The following ZNF180 variants were observed in gnomAD, a reference collection of about 807,000 sequenced individuals.
ZNF180 encodes the protein zinc finger protein 180 (HHZ168).
In ZNF180, 11 loss-of-function variants were observed where a neutral mutation model predicts 11.8. The observed-to-expected ratio is 0.93, with a 90% CI of 0.59 to 1.55. ZNF180 has a LOEUF of 1.55. Among genes scored for constraint, ZNF180 ranks in the 40% most tolerant of loss-of-function variants. ZNF180 has a pLI of 0.00. For missense variants in ZNF180, 773 were observed against 781.7 expected, an observed-to-expected ratio of 0.99 and a Z score of 0.13; for synonymous variants, 287 against 257.7, an observed-to-expected ratio of 1.11 and a Z score of -1.09.
intron 1 of ZNF180, among the ~76,000 whole-genome samples, chr19:44,498,523 G>A (rs1461665224): frequency 6.6e-6 from 1 of 152,114 alleles, no homozygotes; most frequent in Admixed American, 6.5e-5. Context: ...GGGCACCTGT[G>A]GCTCAGGAAG....
chr19:44,477,124 T>C lies in ZNF180; in HGVS notation c.1276A>G (p.Ile426Val), dbSNP rs775878414. Residue 426 changes from isoleucine to valine, a missense_variant, in exon 5 of 5, where the codon ATT becomes GTT. By Grantham distance (29) the Ile-to-Val change is conservative. Transcript: ENST00000592529. Reference protein sequence around the residue: ...GKSFRQSYKLIAHQRTHTGEK... With the variant: ...GKSFRQSYKLVAHQRTHTGEK... ...CCGGTATGTGTTCTTTGATGTGCAA[T>C]AAGTTTATAGCTCTGCCTGAATGAC... 6.2e-7 allele frequency: 1 copy of C among 1,613,054 alleles called. No individual in the cohort carries two copies. The highest frequency in any genetic ancestry group is 8.5e-7 in the Non-Finnish European group (1 of 1,179,214).
At chr19:44,499,197 C>G (rs1054120937) in intron 1 of ZNF180, among the ~76,000 whole-genome samples, 4 of 152,326 alleles carry the variant, frequency 2.6e-5, no homozygotes, top group Middle Eastern at 3.4e-3. Context: ...GGTTCTCGAG[C>G]CTACGATACA....
Position 44,478,078 on chromosome 19 carries a change from T to A in ZNF180, c.322A>T (p.Asn108Tyr). 1 of 1,604,974 alleles carries A rather than the reference T, an allele frequency of 6.2e-7. No homozygotes were observed. Among genetic ancestry groups the A allele is most frequent in the Non-Finnish European group, 8.5e-7 (1 of 1,174,874 alleles). ...KQRIFDEEPA[N>Y]GVKIERFTRD... ...GTAAACCTTTCTATCTTCACTCCAT[T>A]AGCTGGTTCTTCATCAAAAATCCTC... Residue 108 changes from asparagine (N) to tyrosine (Y), a missense_variant, in exon 5 of 5, where the codon AAT (asparagine) becomes TAT (tyrosine). Physicochemically the swap from Asn to Tyr is moderately radical, Grantham distance 143. Coordinates refer to ENST00000592529, the MANE Select transcript of ZNF180 (RefSeq NM_001278509.3).
Position 44,478,848 on chromosome 19 carries a change from G to A in ZNF180, c.253+435C>T, listed in dbSNP as rs961526235. On this transcript the variant is annotated intron_variant, in intron 4 of 4. Coordinates refer to ENST00000592529, the MANE Select transcript of ZNF180 (RefSeq NM_001278509.3). ...AGAAAAAATGTGGCATCTTCTATGC[G>A]GATTTTTTCAAATGGACCTTCTACA... Among the ~76,000 whole-genome samples, 19 of 152,230 alleles carry A rather than the reference G, an allele frequency of 1.2e-4. 1 individual carries two copies. Among genetic ancestry groups the A allele is most frequent in the Admixed American group, 9.2e-4 (14 of 15,300 alleles).
chr19:44,492,778 T>TGG (rs60056249), intron 2 of ZNF180, among the ~76,000 whole-genome samples: 1 of 151,974 alleles, frequency 6.6e-6, no homozygotes, highest in Admixed American at 6.5e-5. Context: ...AGCTTTGCTT[T>TGG]GGGGGTCTAC....
At chr19:44,481,658 G>T (rs1462370241) in intron 3 of ZNF180, among the ~76,000 whole-genome samples, 1 of 152,128 alleles carries the variant, frequency 6.6e-6, no homozygotes, top group East Asian at 1.9e-4. Flanking sequence ...ATCCATGAAG[G>T]CAGGGACAAG....
At chr19:44,484,685 C>G in intron 2 of ZNF180, 1 of 533,430 alleles carries the variant, frequency 1.9e-6, no homozygotes, top group Non-Finnish European at 3.4e-6. Context: ...TCTGGGCCAG[C>G]CCATTGCAGC....
At position 44,474,899 on chromosome 19, in the gene ZNF180, C is replaced by A. The variant is rs1448310428; in HGVS notation, c.*1503G>T. 2 of 152,250 alleles carry A rather than the reference C, an allele frequency of 1.3e-5. No individual in the cohort carries two copies. The highest frequency in any genetic ancestry group is 4.8e-5 in the African/African-American group (2 of 41,458). 9.4% of individuals were successfully genotyped at this position (152,250 alleles called of 1,614,324 possible). ...TCAGCAACTGTTTTCCCAGACCTGA[C>A]ACTGCCAGGTGTGCAACAATCTCTG... On this transcript the variant is annotated 3_prime_UTR_variant, in exon 5 of 5. Coordinates refer to ENST00000592529, the MANE Select transcript of ZNF180 (RefSeq NM_001278509.3).
chr19:44,479,889 A>G (rs1446640689), intron 3 of ZNF180, among the ~76,000 whole-genome samples: 1 of 152,236 alleles, frequency 6.6e-6, no homozygotes, highest in African/African-American at 2.4e-5. Flanking sequence ...GAAAATATAT[A>G]AACAAATGGG....
At chr19:44,497,689 C>T (rs1970627652) in intron 1 of ZNF180, among the ~76,000 whole-genome samples, 1 of 152,012 alleles carries the variant, frequency 6.6e-6, no homozygotes, top group African/African-American at 2.4e-5. Flanking sequence ...AGCACCAGTC[C>T]ATCCCTCTCC....
At chr19:44,485,337 A>G (rs2571040) in intron 2 of ZNF180, among the ~76,000 whole-genome samples, 93,076 of 152,034 alleles carry the variant, frequency 0.61, 29,741 homozygotes, top group East Asian at 0.89. Flanking sequence ...GCCTCTTTAC[A>G]TCAAAATCAA....
chr19:44,488,819 G>A (rs940596596), intron 2 of ZNF180, among the ~76,000 whole-genome samples: 10 of 151,608 alleles, frequency 6.6e-5, no homozygotes, highest in Admixed American at 6.6e-4. Context: ...AGGAAGTGAG[G>A]AGCACCTCTG....
At chr19:44,481,456 T>C (rs4141695) in intron 3 of ZNF180, among the ~76,000 whole-genome samples, 15,225 of 152,238 alleles carry the variant, frequency 0.1, 968 homozygotes, top group East Asian at 0.33. Context: ...CATGCTTCTT[T>C]TTAATAAACA....
Position 44,476,607 on chromosome 19 carries a change from C to T in ZNF180, c.1793G>A (p.Arg598Lys), listed in dbSNP as rs757723110. ...AAATGGTTTCTCTCCAGTATGAGTT[C>T]TCTGATGTTGAGTAAGGCATGAACT... ...RQSSCLTQHQ[R>K]THTGEKPFEC... The change falls in exon 5 of 5, where the codon AGA (arginine) becomes AAA (lysine). Residue 598 changes from arginine (R) to lysine (K), a missense_variant. Physicochemically the swap from Arg to Lys is conservative, Grantham distance 26. Coordinates refer to ENST00000592529, the MANE Select transcript of ZNF180 (RefSeq NM_001278509.3). 29 of 1,614,012 alleles carry T rather than the reference C, an allele frequency of 1.8e-5. No homozygotes were observed. Among genetic ancestry groups the T allele is most frequent in the Middle Eastern group, 3.3e-4 (2 of 6,084 alleles).
At chr19:44,488,467 G>A (rs1159514968) in intron 2 of ZNF180, among the ~76,000 whole-genome samples, 2 of 152,206 alleles carry the variant, frequency 1.3e-5, no homozygotes, top group South Asian at 2.1e-4. Context: ...GGGTTTCGCT[G>A]TGTTGGCCGG....
intron 3 of ZNF180, among the ~76,000 whole-genome samples, chr19:44,480,338 C>G (rs1970045678): frequency 6.6e-6 from 1 of 152,190 alleles, no homozygotes. Flanking sequence ...CTCCTGTGTT[C>G]AAGGAATCTT....
intron 2 of ZNF180, among the ~76,000 whole-genome samples, chr19:44,485,366 G>GTA (rs1252468337): frequency 6.6e-6 from 1 of 152,094 alleles, no homozygotes; most frequent in Non-Finnish European, 1.5e-5. Flanking sequence ...TTCTTTATCT[G>GTA]TATATATTAG....
Position 44,477,427 on chromosome 19 carries a change from G to A in ZNF180, c.973C>T (p.Pro325Ser). 2 of 1,614,148 alleles carry A rather than the reference G, an allele frequency of 1.2e-6. No individual in the cohort carries two copies. Among genetic ancestry groups the A allele is most frequent in the East Asian group, 2.2e-5 (1 of 44,880 alleles). Reference sequence around the variant, plus strand: ...TTCCCACACTGATTACATTCAAAAGGTTTCTCTTCAGAATTATTTCTCATG... The same window carrying A: ...TTCCCACACTGATTACATTCAAAAGATTTCTCTTCAGAATTATTTCTCATG... Reference protein sequence around the residue: ...QNMRNNSEEKPFECNQCGKSF... With the variant: ...QNMRNNSEEKSFECNQCGKSF... Residue 325 changes from proline (P) to serine (S), a missense_variant, in exon 5 of 5, where the codon CCT becomes TCT. Coordinates refer to ENST00000592529, the MANE Select transcript of ZNF180 (RefSeq NM_001278509.3).
intron 2 of ZNF180, among the ~76,000 whole-genome samples, chr19:44,488,065 GCCCTCTCCCTCTCCCTCTCCCCACGGTCT>G (rs1970280003): frequency 4.7e-5 from 5 of 107,062 alleles, no homozygotes; most frequent in East Asian, 3.1e-4. Flanking sequence ...CCTCGCCCTT[GCCCTCTCCCTCTCCCTCTCCCCACGGTCT>G]CCCTCTCCCT....
Sources: allele counts gnomAD v4.1 joint callset (sites outside exome capture counted in the v4.1 genomes callset), GRCh38; gene constraint gnomAD v4.1.1; transcripts MANE v1.5; gene names NCBI Gene and HGNC (gene_info 2026-07-23, HGNC 2026-07-21).